The following TUT4 variants were observed in gnomAD, a reference collection of about 807,000 sequenced individuals.
TUT4 encodes terminal uridylyltransferase 4.
A neutral mutation model predicts 192.2 loss-of-function variants in TUT4; 36 were observed. That is an observed-to-expected ratio of 0.19 (90% CI 0.14 to 0.25). TUT4 has a LOEUF of 0.25. Ranked by LOEUF, TUT4 falls within the 10% of genes least tolerant of loss-of-function variation. TUT4 has a pLI of 1.00. For missense variants in TUT4, 1,493 were observed against 1,957.2 expected, an observed-to-expected ratio of 0.76 and a Z score of 4.47; for synonymous variants, 618 against 666.0, an observed-to-expected ratio of 0.93 and a Z score of 1.11.
At position 52,460,124 on chromosome 1, in the gene TUT4, T is replaced by C. The variant is rs577534828; in HGVS notation, c.3321+1010A>G. ...TCTAGAAAAGTAGGCATATCAAGTC[T>C]TGTATGTAGTATGTGCCTCTATGCT... On this transcript the variant is annotated intron_variant, in intron 19 of 29. Transcript: ENST00000257177. Among the ~76,000 whole-genome samples, 3 of 152,326 alleles carry C rather than the reference T, an allele frequency of 2.0e-5. No homozygotes were observed. The East Asian group carries it at 5.8e-4, about 29-fold the overall frequency.
At chr1:52,512,888 C>A (rs922855247) in intron 3 of TUT4, among the ~76,000 whole-genome samples, 3 of 146,674 alleles carry the variant, frequency 2.0e-5, no homozygotes, top group Non-Finnish European at 4.5e-5. Context: ...AACTAAAGGA[C>A]CTGAAGAAAT....
intron 20 of TUT4, among the ~76,000 whole-genome samples, chr1:52,457,424 C>T (rs1296615057): frequency 6.6e-6 from 1 of 151,860 alleles, no homozygotes; most frequent in Non-Finnish European, 1.5e-5. Flanking sequence ...TTAGTAGAGA[C>T]GGGGTTTCAC....
intron 8 of TUT4, 108 bp from the exon 9 acceptor site, chr1:52,489,143 C>T (rs957387450): frequency 2.4e-5 from 27 of 1,103,874 alleles, no homozygotes; most frequent in Non-Finnish European, 2.9e-5. Context: ...AACATAGTAC[C>T]GTAAAAGCCC....
At chr1:52,542,761 A>G (rs200216851) in intron 1 of TUT4, among the ~76,000 whole-genome samples, 2 of 147,444 alleles carry the variant, frequency 1.4e-5, no homozygotes, top group Admixed American at 1.3e-4. Context: ...TTATTTATTT[A>G]TTTATTTATT....
intron 28 of TUT4, among the ~76,000 whole-genome samples, chr1:52,427,792 T>C (rs909124784): frequency 2.0e-5 from 3 of 152,196 alleles, no homozygotes; most frequent in Non-Finnish European, 4.4e-5. Context: ...AATTTGATAA[T>C]GGGTAAAACA....
chr1:52,519,146 A>T (rs904402782), intron 2 of TUT4, among the ~76,000 whole-genome samples: 34 of 152,264 alleles, frequency 2.2e-4, no homozygotes, highest in African/African-American at 8.2e-4. Flanking sequence ...TGATGAATGG[A>T]CAAACAAAAT....
chr1:52,430,151 G>GA (rs967665156), intron 28 of TUT4, among the ~76,000 whole-genome samples: 32 of 151,456 alleles, frequency 2.1e-4, no homozygotes, highest in African/African-American at 7.3e-4. Flanking sequence ...TTAGATATCA[G>GA]AAAAAAAACT....
chr1:52,529,471 G>C (rs1682762857), intron 1 of TUT4, among the ~76,000 whole-genome samples: 1 of 152,070 alleles, frequency 6.6e-6, no homozygotes, highest in Non-Finnish European at 1.5e-5. Flanking sequence ...AATGAGCTCT[G>C]TTTCAAAAAT....
intron 25 of TUT4, 149 bp downstream of exon 25, chr1:52,438,071 T>A (rs1654381731): frequency 1.8e-6 from 1 of 565,352 alleles, no homozygotes; most frequent in Admixed American, 3.5e-5. Flanking sequence ...TCTTACCCTA[T>A]TACAAAATTC....
At chr1:52,465,389 CCA>C (rs896268939) in intron 15 of TUT4, among the ~76,000 whole-genome samples, 1 of 152,200 alleles carries the variant, frequency 6.6e-6, no homozygotes, top group African/African-American at 2.4e-5. Flanking sequence ...TTCCAATTTT[CCA>C]CAGACATCAT....
chr1:52,449,124 TTC>T (rs1460668936), intron 20 of TUT4, among the ~76,000 whole-genome samples: 5 of 151,974 alleles, frequency 3.3e-5, no homozygotes, highest in African/African-American at 9.7e-5. Context: ...TGTCTCTCTG[TTC>T]TCTCTCATTC....
chr1:52,493,593 A>G lies in TUT4; in HGVS notation c.1318+18T>C. 6.9e-7 allele frequency: 1 copy of G among 1,442,110 alleles called. No individual in the cohort carries two copies. Among genetic ancestry groups the G allele is most frequent in the Non-Finnish European group, 9.5e-7 (1 of 1,055,566 alleles). The allele number at this position is 1,442,110 out of a possible 1,614,324, so 89.3% of individuals were successfully genotyped here. ...CAAATTAAAAAAAAAAAAGAAAAGA[A>G]AAAGAAAAGAAACTCACCATTTTTC... On this transcript the variant is annotated intron_variant, in intron 7 of 29. Coordinates refer to ENST00000257177, the MANE Select transcript of TUT4 (RefSeq NM_001009881.3).
rs550528759 is a variant in TUT4, at chr1:52,427,451, T to G, written c.4712-1944A>C. Among the ~76,000 whole-genome samples the G allele has an allele frequency of 2.6e-5, 4 of 152,244 alleles. No homozygotes were observed. The East Asian group carries it at 7.7e-4, about 29-fold the overall frequency. The stretch of plus-strand genomic sequence containing the variant: ...GACTAAAACACTGAGAACAACAAGT[T>G]GCAGGGGGATGGAAGACTTCAAATT... On this transcript the variant is annotated intron_variant, in intron 28 of 29. Transcript: ENST00000257177.
At chr1:52,459,687 C>T (rs1662008268) in intron 19 of TUT4, among the ~76,000 whole-genome samples, 1 of 151,956 alleles carries the variant, frequency 6.6e-6, no homozygotes, top group Non-Finnish European at 1.5e-5. Context: ...TCAAGACCAG[C>T]CTGGCCAACA....
At chr1:52,489,198 T>C (rs969554542) in intron 8 of TUT4, among the ~76,000 whole-genome samples, 163 bp from the exon 9 acceptor site, 1 of 152,244 alleles carries the variant, frequency 6.6e-6, no homozygotes, top group East Asian at 1.9e-4. Flanking sequence ...AACTGAAAAC[T>C]ACATGTCATT....
chr1:52,459,540 A>AATCACAC (rs1169182361), intron 19 of TUT4, among the ~76,000 whole-genome samples: 1 of 151,550 alleles, frequency 6.6e-6, no homozygotes, highest in East Asian at 1.9e-4. Flanking sequence ...AGTGAGCTGT[A>AATCACAC]ATCACACCAC....
At chr1:52,537,944 T>A (rs1376371824) in intron 1 of TUT4, among the ~76,000 whole-genome samples, 2 of 151,782 alleles carry the variant, frequency 1.3e-5, no homozygotes, top group Admixed American at 6.6e-5. Context: ...ACAAACAAAC[T>A]AATTAGACTG....
chr1:52,437,969 T>C (rs182172699), intron 25 of TUT4, among the ~76,000 whole-genome samples: 2 of 150,152 alleles, frequency 1.3e-5, no homozygotes, highest in Non-Finnish European at 3.0e-5. Context: ...AAAACAAAAA[T>C]AAAAACAAAA....
chr1:52,444,686 G>A (rs991161751), intron 24 of TUT4, among the ~76,000 whole-genome samples: 5 of 149,422 alleles, frequency 3.3e-5, no homozygotes, highest in Non-Finnish European at 5.9e-5. Flanking sequence ...GTGAACATAA[G>A]GCAAGCAGAA....
Sources: allele counts gnomAD v4.1 joint callset (sites outside exome capture counted in the v4.1 genomes callset), GRCh38; gene constraint gnomAD v4.1.1; transcripts MANE v1.5; gene names NCBI Gene and HGNC (gene_info 2026-07-23, HGNC 2026-07-21).